Variants in RAPGEF2 observed in about 807,000 individuals in gnomAD.
RAPGEF2 encodes Rap guanine nucleotide exchange factor 2, also known as PDZ domain containing guanine nucleotide exchange factor (GEF) 1.
A neutral mutation model predicts 186.7 loss-of-function variants in RAPGEF2; 54 were observed. That is an observed-to-expected ratio of 0.29 (90% CI 0.23 to 0.36). The LOEUF is 0.36. RAPGEF2 is among the 10% of genes least tolerant of loss of function. The pLI, the probability that RAPGEF2 is intolerant of heterozygous loss-of-function variation, is 1.00. For synonymous variants in RAPGEF2, 712 were observed against 705.9 expected (o/e 1.01, Z -0.14); for missense variants, 1,532 against 2,045.0 (o/e 0.75, Z 4.84).
At chr4:159,347,600 C>T (rs539639855) in intron 25 of RAPGEF2, among the ~76,000 whole-genome samples, 25 of 152,108 alleles carry the variant, frequency 1.6e-4, no homozygotes, top group Non-Finnish European at 2.2e-4. Flanking sequence ...CTGGCTAACA[C>T]GGTGAAACCC....
intron 1 of RAPGEF2, among the ~76,000 whole-genome samples, chr4:159,137,348 A>G (rs936147612): frequency 4.6e-5 from 7 of 152,230 alleles, no homozygotes; most frequent in Admixed American, 2.0e-4. Context: ...TCCTCAGCTC[A>G]TAGGAGGGGA....
At chr4:159,345,974 G>C (rs1304502571) in intron 24 of RAPGEF2, among the ~76,000 whole-genome samples, 1 of 152,080 alleles carries the variant, frequency 6.6e-6, no homozygotes, top group Non-Finnish European at 1.5e-5. Context: ...ATTTAGATAG[G>C]TGATTTGAGA....
chr4:159,108,749 G>T (rs1738169361), intron 1 of RAPGEF2, among the ~76,000 whole-genome samples: 1 of 152,004 alleles, frequency 6.6e-6, no homozygotes, highest in African/African-American at 2.4e-5. Flanking sequence ...AAGAGAGCGA[G>T]ATATATATAT....
At position 159,129,887 on chromosome 4, in the gene RAPGEF2, C is replaced by T. The variant is rs116121027; in HGVS notation, c.69+25656C>T. ...TTAAGAAAGTATGGGAATAAAAGAA[C>T]GGCTACTCCATAGAGCAGCCCTGAG... On this transcript the variant is annotated intron_variant, in intron 1 of 29. Coordinates refer to ENST00000691494, the MANE Select transcript of RAPGEF2 (RefSeq NM_001394067.2). 8.5e-3 allele frequency among the ~76,000 whole-genome samples: 1,287 copies of T among 152,226 alleles called. 23 individuals are homozygous for T. Among genetic ancestry groups the T allele is most frequent in the African/African-American group, 0.029 (1,224 of 41,520 alleles).
At chr4:159,327,124 A>G (rs1401619761) in intron 11 of RAPGEF2, 1 of 152,230 alleles carries the variant, frequency 6.6e-6, no homozygotes, top group African/African-American at 2.4e-5. Flanking sequence ...TGATTACACT[A>G]TATGTGGTTT....
chr4:159,157,456 GT>G (rs1744246652), intron 1 of RAPGEF2, among the ~76,000 whole-genome samples: 1 of 152,140 alleles, frequency 6.6e-6, no homozygotes, highest in Non-Finnish European at 1.5e-5. Flanking sequence ...TGCTTATTGT[GT>G]TCTTTATAGT....
chr4:159,116,845 G>A (rs915206920), intron 1 of RAPGEF2, among the ~76,000 whole-genome samples: 2 of 152,144 alleles, frequency 1.3e-5, no homozygotes, highest in African/African-American at 4.8e-5. Context: ...GTGGGAAGCT[G>A]AACAATGAGA....
rs982830051 is a variant in RAPGEF2 at position 159,131,109 on chromosome 4, A to T, written c.69+26878A>T. 8.5e-3 allele frequency among the ~76,000 whole-genome samples: 1,274 copies of T among 149,342 alleles called. 21 individuals are homozygous for T. The highest frequency in any genetic ancestry group is 0.03 in the African/African-American group (1,208 of 39,896). On this transcript the variant is annotated intron_variant, in intron 1 of 29. Transcript: ENST00000691494. ...GTGTGTGTGTGTGTGAGAGAGAGAG[A>T]GAGAGAGAGAGAGAGAGAGAGACAG...
chr4:159,323,317 A>G, intron 10 of RAPGEF2, 142 bp from the exon 11 acceptor site: 1 of 576,348 alleles, frequency 1.7e-6, no homozygotes, highest in South Asian at 3.1e-5. Flanking sequence ...TATTCTGTGA[A>G]CTTGTTAAAC....
intron 2 of RAPGEF2, among the ~76,000 whole-genome samples, chr4:159,188,183 G>A (rs1231497906): frequency 6.6e-6 from 1 of 152,090 alleles, no homozygotes; most frequent in Non-Finnish European, 1.5e-5. Flanking sequence ...ATTGCGTGCG[G>A]TTAATTCATA....
chr4:159,351,173 A>G (rs1332366025), intron 26 of RAPGEF2: 2 of 1,534,314 alleles, frequency 1.3e-6, no homozygotes, highest in Non-Finnish European at 1.7e-6. Flanking sequence ...CCACGGACCT[A>G]TGGGATAGGT....
rs184293842 is a variant in RAPGEF2 at position 159,111,776 on chromosome 4, T to G, written c.69+7545T>G. Among the ~76,000 whole-genome samples the G allele has an allele frequency of 3.0e-4, 46 of 152,344 alleles. No homozygotes were observed. In the East Asian group the frequency reaches 8.9e-3, roughly 29 times the overall value. On this transcript the variant is annotated intron_variant, in intron 1 of 29. Transcript: ENST00000691494. ...GGAATCATTATCTTTCTTAAACTTT[T>G]TAGCTTAAGATAAATGTAGATTCAC...
intron 7 of RAPGEF2, among the ~76,000 whole-genome samples, chr4:159,294,425 C>CA (rs1416937077): frequency 2.0e-4 from 31 of 152,164 alleles, no homozygotes; most frequent in Non-Finnish European, 4.0e-4. Context: ...TTGCCGCTTC[C>CA]ATAGCATCAG....
intron 2 of RAPGEF2, among the ~76,000 whole-genome samples, chr4:159,188,466 C>G (rs1422824777): frequency 1.3e-5 from 2 of 151,978 alleles, no homozygotes; most frequent in Non-Finnish European, 1.5e-5. Flanking sequence ...GAGTTCAACA[C>G]TAGCCTGGCC....
chr4:159,302,547 CTGCCTATTATTT>C (rs543609318), intron 7 of RAPGEF2, among the ~76,000 whole-genome samples: 172 of 152,146 alleles, frequency 1.1e-3, no homozygotes, highest in African/African-American at 3.8e-3. Flanking sequence ...GGTATCTATC[CTGCCTATTATTT>C]ATTTTCATAT....
chr4:159,332,343 A>G, intron 16 of RAPGEF2, 108 bp from the exon 17 acceptor site: 1 of 1,197,546 alleles, frequency 8.4e-7, no homozygotes, highest in Non-Finnish European at 1.2e-6. Flanking sequence ...AGTTTTGATA[A>G]CTGAAGTCTG....
rs147227502 is a variant in RAPGEF2 at position 159,186,222 on chromosome 4, A to G, written c.70-420A>G. 2.6e-3 allele frequency among the ~76,000 whole-genome samples: 398 copies of G among 152,104 alleles called. 2 individuals carry two copies. Among genetic ancestry groups the G allele is most frequent in the African/African-American group, 9.2e-3 (382 of 41,562 alleles). ...GTAAGAATTGAAAAAAATTGAATTT[A>G]TATCCATTTTTAAGTGTAGCCAGGA... On this transcript the variant is annotated intron_variant, in intron 1 of 29. Coordinates refer to ENST00000691494, the MANE Select transcript of RAPGEF2 (RefSeq NM_001394067.2).
chr4:159,280,591 G>C (rs941585112), intron 7 of RAPGEF2, among the ~76,000 whole-genome samples: 1 of 152,164 alleles, frequency 6.6e-6, no homozygotes, highest in Admixed American at 6.5e-5. Flanking sequence ...TCCTTTCTCT[G>C]TATTGTTCCC....
At position 159,268,463 on chromosome 4, in the gene RAPGEF2, A is replaced by G. The variant is rs1757706195; in HGVS notation, c.543+24672A>G. Among the ~76,000 whole-genome samples the G allele has an allele frequency of 4.6e-5, 7 of 152,308 alleles. No individual in the cohort carries two copies. In the South Asian group the frequency reaches 1.5e-3, roughly 32 times the overall value. ...TAATACTGAGAAATATTGGGCAGCTAATTTTTATATTTAGAAACTAAAGCT... is the reference window on the plus strand; with the variant it reads ...TAATACTGAGAAATATTGGGCAGCTGATTTTTATATTTAGAAACTAAAGCT... On this transcript the variant is annotated intron_variant, in intron 7 of 29. Transcript: ENST00000691494.
Sources: allele counts gnomAD v4.1 joint callset (sites outside exome capture counted in the v4.1 genomes callset), GRCh38; gene constraint gnomAD v4.1.1; transcripts MANE v1.5; gene names NCBI Gene and HGNC (gene_info 2026-07-23, HGNC 2026-07-21).